Variants in ITSN1 observed in about 807,000 individuals in gnomAD.
The protein encoded by ITSN1 is intersectin-1.
A neutral mutation model predicts 239.8 loss-of-function variants in ITSN1; 58 were observed. The observed-to-expected ratio is 0.24, with a 90% CI of 0.20 to 0.30. The LOEUF (loss-of-function observed/expected upper bound fraction) is 0.30, where lower values mean the gene tolerates loss of function less well. ITSN1 is among the 10% of genes least tolerant of loss of function. The probability of loss-of-function intolerance (pLI) is 1.00; values close to 1 mark genes in which losing one functional copy is unlikely to be tolerated. For missense variants in ITSN1, 1,558 were observed against 2,103.3 expected (o/e 0.74, Z 5.07); for synonymous variants, 780 against 770.8 (o/e 1.01, Z -0.20).
chr21:33,776,420 G>T (rs1262969287), intron 14 of ITSN1, among the ~76,000 whole-genome samples: 1 of 151,066 alleles, frequency 6.6e-6, no homozygotes, highest in Non-Finnish European at 1.5e-5. Context: ...AAATTAGCTG[G>T]CATGGGGGCG....
chr21:33,888,841 G>A lies in ITSN1; in HGVS notation c.*541G>A, dbSNP rs1038288548. 9.2e-5 allele frequency: 14 copies of A among 152,486 alleles called. No individual in the cohort carries two copies. The highest frequency in any genetic ancestry group is 3.4e-4 in the African/African-American group (14 of 41,428). 9.4% of individuals were successfully genotyped at this position (152,486 alleles called of 1,614,324 possible). On this transcript the variant is annotated 3_prime_UTR_variant, in exon 40 of 40. Transcript: ENST00000381318. ...AAATGCTGCCTAGAGCTGATCACTC[G>A]GTGAGACGGTCTGATCAGGCCCTGG...
chr21:33,678,561 A>C (rs970912891), intron 1 of ITSN1, among the ~76,000 whole-genome samples: 3 of 152,180 alleles, frequency 2.0e-5, no homozygotes, highest in Non-Finnish European at 4.4e-5. Context: ...CACTTTAATC[A>C]CAGCAGCTCA....
intron 5 of ITSN1, among the ~76,000 whole-genome samples, chr21:33,740,603 A>G (rs1159302942): frequency 6.6e-6 from 1 of 152,176 alleles, no homozygotes; most frequent in East Asian, 1.9e-4. Context: ...CAAAATCCTG[A>G]TTGGAGGCTT....
chr21:33,819,070 A>G (rs180739670), intron 23 of ITSN1, among the ~76,000 whole-genome samples, 171 bp from the exon 24 acceptor site: 42 of 127,418 alleles, frequency 3.3e-4, no homozygotes, highest in Non-Finnish European at 6.2e-4. Context: ...GCTTAGAGTC[A>G]TGCCTCTGTA....
chr21:33,731,141 C>T (rs1411654499), intron 4 of ITSN1, among the ~76,000 whole-genome samples: 1 of 152,142 alleles, frequency 6.6e-6, no homozygotes, highest in Non-Finnish European at 1.5e-5. Flanking sequence ...AAGTCAAGTC[C>T]CTAGAACCTC....
intron 5 of ITSN1, among the ~76,000 whole-genome samples, chr21:33,736,196 A>C (rs2066491201): frequency 6.6e-6 from 1 of 152,236 alleles, no homozygotes; most frequent in African/African-American, 2.4e-5. Flanking sequence ...AAAACATGAA[A>C]ATTGTGGCTA....
intron 14 of ITSN1, among the ~76,000 whole-genome samples, chr21:33,778,652 C>G (rs2069864077): frequency 8.3e-6 from 1 of 120,204 alleles, no homozygotes; most frequent in African/African-American, 3.9e-5. Context: ...AATCTCGGCT[C>G]ACTGCAAGCT....
chr21:33,760,831 C>T (rs1221358245), intron 8 of ITSN1, among the ~76,000 whole-genome samples: 1 of 152,164 alleles, frequency 6.6e-6, no homozygotes. Context: ...AGCAGTCTTC[C>T]TGGGACCACA....
intron 4 of ITSN1, among the ~76,000 whole-genome samples, chr21:33,722,871 C>T (rs1282603595): frequency 6.6e-6 from 1 of 152,158 alleles, no homozygotes; most frequent in Non-Finnish European, 1.5e-5. Flanking sequence ...ATTTGAATGA[C>T]AACACTGTCA....
chr21:33,736,306 G>A (rs535015166), intron 5 of ITSN1, among the ~76,000 whole-genome samples: 1 of 152,314 alleles, frequency 6.6e-6, no homozygotes, highest in Non-Finnish European at 1.5e-5. Context: ...GGGTGTCTCT[G>A]ATATAATTAA....
intron 1 of ITSN1, among the ~76,000 whole-genome samples, chr21:33,693,950 T>TA (rs1241383713): frequency 6.6e-6 from 1 of 152,246 alleles, no homozygotes; most frequent in Non-Finnish European, 1.5e-5. Context: ...TTCTGTGTCT[T>TA]AAACACAATG....
chr21:33,765,198 T>G (rs1475033882), intron 9 of ITSN1, among the ~76,000 whole-genome samples: 1 of 152,228 alleles, frequency 6.6e-6, no homozygotes, highest in Non-Finnish European at 1.5e-5. Context: ...GTTTGTCATT[T>G]CCTGGTCTAG....
chr21:33,812,615 C>T (rs1475572321), intron 21 of ITSN1, among the ~76,000 whole-genome samples: 1 of 152,076 alleles, frequency 6.6e-6, no homozygotes, highest in Non-Finnish European at 1.5e-5. Flanking sequence ...ACTCCTGCCT[C>T]AGCCTCCTAA....
At chr21:33,695,753 G>A (rs1306567446) in intron 1 of ITSN1, among the ~76,000 whole-genome samples, 1 of 152,164 alleles carries the variant, frequency 6.6e-6, no homozygotes, top group African/African-American at 2.4e-5. Flanking sequence ...CAGTGTGTTT[G>A]TGATTTTTAA....
intron 16 of ITSN1, among the ~76,000 whole-genome samples, chr21:33,787,836 C>G (rs1432076986): frequency 6.6e-6 from 1 of 152,156 alleles, no homozygotes; most frequent in Non-Finnish European, 1.5e-5. Context: ...TTGGTTCTTT[C>G]ATTCTGTTCA....
intron 34 of ITSN1, among the ~76,000 whole-genome samples, chr21:33,877,070 T>TTTTTTTTTTTTTTG (rs1569334979): frequency 6.9e-6 from 1 of 144,928 alleles, no homozygotes; most frequent in African/African-American, 2.6e-5. Context: ...TTTTTTTTTT[T>TTTTTTTTTTTTTTG]TGAAATGGAG....
intron 10 of ITSN1, among the ~76,000 whole-genome samples, chr21:33,766,835 A>T (rs925175046): frequency 6.6e-6 from 1 of 152,198 alleles, no homozygotes; most frequent in African/African-American, 2.4e-5. Context: ...AATGCGTAAA[A>T]AGGATTGGGA....
intron 31 of ITSN1, among the ~76,000 whole-genome samples, chr21:33,860,502 T>C (rs2148488181): frequency 6.6e-6 from 1 of 152,104 alleles, no homozygotes; most frequent in East Asian, 1.9e-4. Flanking sequence ...TCCCCATACC[T>C]CTCTGTTGTC....
At chr21:33,647,100 TTAATA>T (rs2088029922) in intron 1 of ITSN1, among the ~76,000 whole-genome samples, 2 of 152,190 alleles carry the variant, frequency 1.3e-5, no homozygotes, top group African/African-American at 2.4e-5. Flanking sequence ...CAAATATGTA[TTAATA>T]TAAGTTTTGA....
Sources: gnomAD v4.1 joint callset for allele counts (sites outside exome capture counted in the v4.1 genomes callset) on GRCh38, gnomAD v4.1.1 for gene constraint, MANE v1.5 for transcripts, NCBI Gene and HGNC (gene_info 2026-07-23, HGNC 2026-07-21) for gene names.